The following C1GALT1 variants were observed in gnomAD, a reference collection of about 807,000 sequenced individuals.
C1GALT1 encodes the protein core 1 synthase, glycoprotein-N-acetylgalactosamine 3-beta-galactosyltransferase 1.
In C1GALT1, 11 loss-of-function variants were observed where a neutral mutation model predicts 31.0. The observed-to-expected ratio is 0.36, with a 90% CI of 0.22 to 0.59. The LOEUF (loss-of-function observed/expected upper bound fraction) is 0.59. C1GALT1 is among the 20% of genes least tolerant of loss of function. C1GALT1 has a pLI of 0.79. For synonymous variants in C1GALT1, 175 were observed against 143.6 expected, an observed-to-expected ratio of 1.22 and a Z score of -1.56; for missense variants, 424 against 425.2, an observed-to-expected ratio of 1.00 and a Z score of 0.03.
upstream of C1GALT1, among the ~76,000 whole-genome samples, chr7:7,181,470 C>T (rs1184848819): frequency 1.3e-5 from 2 of 152,188 alleles, no homozygotes; most frequent in Middle Eastern, 3.2e-3. Context: ...AAAAATGAGA[C>T]ATCTGTATTA....
Position 7,207,335 on chromosome 7 carries a change from C to CTTTTTTTTTTTTTTTTTTTTT in C1GALT1, c.-18+24525_-18+24545dup, listed in dbSNP as rs57510429. Reference sequence around the variant, plus strand: ...TCTCTGTGTTTCTCTTACTCTGTTGCTTTTTTTTTTTTTTTTTTTTTTTTT... The same window carrying CTTTTTTTTTTTTTTTTTTTTT: ...TCTCTGTGTTTCTCTTACTCTGTTGCTTTTTTTTTTTTTTTTTTTTTTTTTTTTTTTTTTTTTTTTTTTTTT... On this transcript the variant is annotated intron_variant, in intron 1 of 3. Transcript: ENST00000436587. Among the ~76,000 whole-genome samples, 6 of 48,006 alleles carry CTTTTTTTTTTTTTTTTTTTTT rather than the reference C, an allele frequency of 1.2e-4. 1 individual carries two copies. The highest frequency in any genetic ancestry group is 6.4e-4 in the East Asian group (1 of 1,560). The allele number at this position is 48,006 out of a possible 152,430, so 31.5% of individuals were successfully genotyped here. A position where few individuals can be genotyped will look rare whatever the true frequency, so the allele number is the denominator to read the frequency against.
At chr7:7,183,501 A>T (rs946964215) in intron 1 of C1GALT1, 115 of 627,974 alleles carry the variant, frequency 1.8e-4, no homozygotes, top group South Asian at 2.8e-4. Context: ...AAGGCATTAA[A>T]TTTTTTTTTT....
At chr7:7,225,075 A>G (rs1441484398) in intron 1 of C1GALT1, among the ~76,000 whole-genome samples, 1 of 151,594 alleles carries the variant, frequency 6.6e-6, no homozygotes, top group Non-Finnish European at 1.5e-5. Flanking sequence ...GTCCTGTGTT[A>G]GTTCACTTAA....
intron 1 of C1GALT1, among the ~76,000 whole-genome samples, chr7:7,200,679 G>C (rs1365274843): frequency 6.6e-6 from 1 of 152,092 alleles, no homozygotes; most frequent in Non-Finnish European, 1.5e-5. Context: ...ATATTTCTTG[G>C]AGGCTTTGTT....
chr7:7,176,426 T>G (rs1780507060), intron 2 of C1GALT1, among the ~76,000 whole-genome samples: 1 of 152,232 alleles, frequency 6.6e-6, no homozygotes, highest in African/African-American at 2.4e-5. Context: ...ACTATTTCAC[T>G]TACAACAAAT....
At chr7:7,190,368 T>C (rs1252733013) in intron 1 of C1GALT1, among the ~76,000 whole-genome samples, 1 of 152,100 alleles carries the variant, frequency 6.6e-6, no homozygotes, top group Non-Finnish European at 1.5e-5. Context: ...TATCTGAAGC[T>C]CTGAGTTGCA....
At chr7:7,239,039 C>T (rs1317320547) in intron 3 of C1GALT1, 117 bp downstream of exon 3, 5 of 820,196 alleles carry the variant, frequency 6.1e-6, no homozygotes, top group Non-Finnish European at 9.3e-6. Context: ...CTTCCTTAGT[C>T]TTTTTAAATA....
upstream of C1GALT1, among the ~76,000 whole-genome samples, chr7:7,182,321 A>T (rs13243458): frequency 0.12 from 17,673 of 152,254 alleles, 1,097 homozygotes; most frequent in East Asian, 0.21. Context: ...GCATAACCTT[A>T]CAGCAGGATC....
intron 1 of C1GALT1, among the ~76,000 whole-genome samples, chr7:7,213,512 C>G (rs1782103036): frequency 6.6e-6 from 1 of 152,118 alleles, no homozygotes; most frequent in African/African-American, 2.4e-5. Flanking sequence ...TTCCGTCTAC[C>G]TTTTCTCTGA....
chr7:7,196,775 A>C (rs1160291460), intron 1 of C1GALT1, among the ~76,000 whole-genome samples: 2 of 152,260 alleles, frequency 1.3e-5, no homozygotes, highest in African/African-American at 4.8e-5. Flanking sequence ...GTGAAATGGT[A>C]TCTTATTGTG....
At chr7:7,177,714 G>A (rs1011594174), upstream of C1GALT1, among the ~76,000 whole-genome samples, 1 of 152,164 alleles carries the variant, frequency 6.6e-6, no homozygotes, top group Non-Finnish European at 1.5e-5. Flanking sequence ...CAGTAAATAA[G>A]TTGTCACTTC....
chr7:7,244,607 C>T lies in C1GALT1; in HGVS notation c.*880C>T, dbSNP rs547275927. ...GGATGCTTTTCTTATAACAGTGCCA[C>T]TCTCAGGAATTACTAAGTGACATTT... On this transcript the variant is annotated 3_prime_UTR_variant, in exon 4 of 4. Transcript: ENST00000436587. The T allele has an allele frequency of 6.6e-6, 1 of 152,250 alleles. No individual in the cohort carries two copies. The highest frequency in any genetic ancestry group is 1.9e-4 in the East Asian group (1 of 5,178). 9.4% of individuals were successfully genotyped at this position (152,250 alleles called of 1,614,324 possible).
chr7:7,210,415 C>CTTTTTTTTTT (rs562711064), intron 1 of C1GALT1: 9 of 85,160 alleles, frequency 1.1e-4, no homozygotes, highest in Admixed American at 1.5e-4. Flanking sequence ...TGGGCAGATT[C>CTTTTTTTTTT]TTTTTTTTTT....
chr7:7,228,384 C>T (rs1461828051), intron 1 of C1GALT1, among the ~76,000 whole-genome samples: 6 of 152,170 alleles, frequency 3.9e-5, no homozygotes, highest in African/African-American at 9.7e-5. Context: ...TCAAGCGATT[C>T]TGATTACACA....
intron 1 of C1GALT1, among the ~76,000 whole-genome samples, chr7:7,213,445 T>C (rs569154890): frequency 5.9e-5 from 9 of 152,318 alleles, no homozygotes; most frequent in African/African-American, 1.7e-4. Flanking sequence ...CGAAATATAA[T>C]TTAAAGAAGA....
intron 1 of C1GALT1, among the ~76,000 whole-genome samples, chr7:7,196,026 TTTGTTGTTGTTG>T (rs55905652): frequency 6.6e-6 from 1 of 151,604 alleles, no homozygotes; most frequent in Non-Finnish European, 1.5e-5. Context: ...TGGAATATCT[TTTGTTGTTGTTG>T]TTGTTGTTGT....
intron 1 of C1GALT1, among the ~76,000 whole-genome samples, chr7:7,226,314 T>A (rs1382984459): frequency 6.6e-6 from 1 of 151,894 alleles, no homozygotes; most frequent in East Asian, 1.9e-4. Context: ...CAGAGCAAAA[T>A]TAGAAGTACC....
At chr7:7,185,229 T>G (rs11764437) in intron 1 of C1GALT1, among the ~76,000 whole-genome samples, 23,837 of 152,094 alleles carry the variant, frequency 0.16, 2,167 homozygotes, top group East Asian at 0.37. Flanking sequence ...AGGGGCGTGT[T>G]GGGGGCAACG....
chr7:7,217,952 G>T (rs903296618), intron 1 of C1GALT1, among the ~76,000 whole-genome samples: 42 of 152,154 alleles, frequency 2.8e-4, no homozygotes, highest in African/African-American at 9.9e-4. Context: ...CAAGCTGAGC[G>T]GTATGTTAGA....
Sources: gnomAD v4.1 joint callset for allele counts (sites outside exome capture counted in the v4.1 genomes callset) on GRCh38, gnomAD v4.1.1 for gene constraint, MANE v1.5 for transcripts, NCBI Gene and HGNC (gene_info 2026-07-23, HGNC 2026-07-21) for gene names.